FKBP5: variants seen among roughly 807,000 people sequenced by gnomAD.
FKBP5 encodes FKBP prolyl isomerase 5, also known as peptidyl-prolyl cis-trans isomerase FKBP5.
Under a neutral mutation model 50.5 loss-of-function variants are expected in FKBP5, and 23 were observed. That is an observed-to-expected ratio of 0.46 (90% CI 0.33 to 0.65). FKBP5 has a LOEUF of 0.65. FKBP5 is among the 30% of genes least tolerant of loss of function. The pLI is 0.02. For missense variants in FKBP5, 411 were observed against 553.1 expected (o/e 0.74, Z 2.58); for synonymous variants, 176 against 190.6 (o/e 0.92, Z 0.63).
chr6:35,609,031 C>T (rs1205944976), intron 5 of FKBP5, among the ~76,000 whole-genome samples: 1 of 152,200 alleles, frequency 6.6e-6, no homozygotes, highest in South Asian at 2.1e-4. Flanking sequence ...CTCCTGGCCT[C>T]AAGTGACGCC....
intron 1 of FKBP5, among the ~76,000 whole-genome samples, chr6:35,681,003 G>T (rs1481479403): frequency 6.6e-6 from 1 of 152,184 alleles, no homozygotes; most frequent in African/African-American, 2.4e-5. Context: ...CATGTCATGA[G>T]TCTTTAGTGA....
At chr6:35,637,252 G>A in intron 2 of FKBP5, 94 bp from the exon 3 acceptor site, 1 of 1,055,430 alleles carries the variant, frequency 9.5e-7, no homozygotes, top group Non-Finnish European at 1.4e-6. Flanking sequence ...AGACATCCAG[G>A]CAGATATGCA....
At chr6:35,585,950 A>G (rs1361794285) in intron 8 of FKBP5, 1 of 984,532 alleles carries the variant, frequency 1.0e-6, no homozygotes, top group East Asian at 1.1e-4. Flanking sequence ...CCCTCCTGAC[A>G]AGGTTGTAAC....
At chr6:35,640,755 T>C (rs1039744342) in intron 2 of FKBP5, among the ~76,000 whole-genome samples, 14 of 152,210 alleles carry the variant, frequency 9.2e-5, no homozygotes, top group Admixed American at 1.3e-4. Context: ...AAATTTTTTA[T>C]TCTTTTACTT....
At chr6:35,687,400 A>G (rs1765857806) in intron 1 of FKBP5, among the ~76,000 whole-genome samples, 1 of 152,260 alleles carries the variant, frequency 6.6e-6, no homozygotes, top group Non-Finnish European at 1.5e-5. Context: ...TCCCACCAGA[A>G]TAAGAATTTT....
intron 3 of FKBP5, among the ~76,000 whole-genome samples, chr6:35,636,026 A>C (rs1764300625): frequency 6.6e-6 from 1 of 152,266 alleles, no homozygotes; most frequent in Admixed American, 6.5e-5. Context: ...ATACTGTTAC[A>C]TTAAAATCTG....
intron 1 of FKBP5, among the ~76,000 whole-genome samples, chr6:35,649,304 C>A (rs7749607): frequency 1.4e-5 from 2 of 147,372 alleles, no homozygotes; most frequent in South Asian, 4.3e-4. Flanking sequence ...TTTACATATT[C>A]TTATCGGATT....
intron 7 of FKBP5, among the ~76,000 whole-genome samples, chr6:35,589,111 TATA>T (rs1762722470): frequency 1.0e-5 from 1 of 97,680 alleles, no homozygotes; most frequent in African/African-American, 3.9e-5. Context: ...TATATATTTT[TATA>T]TATATATATA....
At chr6:35,597,510 T>C in intron 5 of FKBP5, 106 bp from the exon 6 acceptor site, 2 of 1,296,148 alleles carry the variant, frequency 1.5e-6, no homozygotes, top group Non-Finnish European at 2.1e-6. Flanking sequence ...CCATTTCCCC[T>C]TTCTCATTTC....
intron 8 of FKBP5, chr6:35,580,427 C>T (rs1469405333): frequency 6.2e-5 from 30 of 484,790 alleles, no homozygotes; most frequent in Non-Finnish European, 9.5e-5. Flanking sequence ...TGCCTGAGCA[C>T]TGCCTAGTGC....
intron 5 of FKBP5, among the ~76,000 whole-genome samples, chr6:35,611,650 A>G (rs1018392305): frequency 6.6e-6 from 1 of 152,234 alleles, no homozygotes; most frequent in Non-Finnish European, 1.5e-5. Flanking sequence ...AATCATATCA[A>G]TTAGAGTACC....
chr6:35,723,758 C>T (rs115151312), intron 1 of FKBP5, among the ~76,000 whole-genome samples: 2,021 of 152,332 alleles, frequency 0.013, 48 homozygotes, highest in African/African-American at 0.046. Context: ...GTCCCTGCTT[C>T]ATCCCCTGGG....
Position 35,577,032 on chromosome 6 carries a change from C to T in FKBP5, c.1228G>A (p.Ala410Thr), listed in dbSNP as rs771627884. The T allele has an allele frequency of 7.4e-6, 12 of 1,614,034 alleles. No homozygotes were observed. The highest frequency in any genetic ancestry group is 5.3e-5 in the African/African-American group (4 of 74,914). The change falls in exon 10 of 11, where the codon GCC becomes ACC. Residue 410 changes from alanine to threonine, a missense_variant. Physicochemically the swap from Ala to Thr is moderately conservative, Grantham distance 58. This residue lies in a region of FKBP5 where 88 missense variants were observed against 89.0 expected (regional missense o/e 0.99). Coordinates refer to ENST00000357266, the MANE Select transcript of FKBP5 (RefSeq NM_004117.4). ...TCTGCAAACTTCTTGAACATGTTGG[C>T]GTATATCCTGCGGTCCCGCTCGTTG... Reference protein sequence around the residue: ...EHNERDRRIYANMFKKFAEQD... With the variant: ...EHNERDRRIYTNMFKKFAEQD...
chr6:35,606,877 A>G (rs1763337319), intron 5 of FKBP5, among the ~76,000 whole-genome samples: 1 of 152,152 alleles, frequency 6.6e-6, no homozygotes, highest in Non-Finnish European at 1.5e-5. Context: ...CCAAAGGAAA[A>G]TAAATCGTTC....
At chr6:35,596,181 C>T (rs558040314) in intron 6 of FKBP5, among the ~76,000 whole-genome samples, 1 of 152,190 alleles carries the variant, frequency 6.6e-6, no homozygotes, top group South Asian at 2.1e-4. Context: ...ATGGTGAAAC[C>T]TCGTCTCTAC....
chr6:35,658,336 A>G (rs1765014715), intron 1 of FKBP5, among the ~76,000 whole-genome samples: 1 of 151,532 alleles, frequency 6.6e-6, no homozygotes, highest in South Asian at 2.1e-4. Context: ...AGTTTGCGCC[A>G]CTGCACTCCA....
chr6:35,654,674 G>C (rs1050191518), intron 1 of FKBP5, among the ~76,000 whole-genome samples: 11 of 152,100 alleles, frequency 7.2e-5, no homozygotes, highest in Admixed American at 2.0e-4. Context: ...GCCCAGGCTA[G>C]AGTGCAATGG....
At chr6:35,577,736 C>T (rs1184633084) in intron 9 of FKBP5, among the ~76,000 whole-genome samples, 1 of 152,074 alleles carries the variant, frequency 6.6e-6, no homozygotes, top group Non-Finnish European at 1.5e-5. Flanking sequence ...ATAAACGGGG[C>T]CAGGATGGCA....
intron 1 of FKBP5, among the ~76,000 whole-genome samples, chr6:35,722,412 G>A (rs1397466638): frequency 6.6e-6 from 1 of 152,232 alleles, no homozygotes; most frequent in Non-Finnish European, 1.5e-5. Context: ...GCTAATGGGG[G>A]ATCGGAGGAG....
Sources: gnomAD v4.1 joint callset for allele counts (sites outside exome capture counted in the v4.1 genomes callset) on GRCh38, gnomAD v4.1.1 for gene constraint, gnomAD v4.1.1 regional missense constraint, MANE v1.5 for transcripts, NCBI Gene and HGNC (gene_info 2026-07-23, HGNC 2026-07-21) for gene names.